Variants in GALNT13 observed in about 807,000 individuals in gnomAD.
GALNT13 encodes the protein UDP-GalNAc:polypeptide N-acetylgalactosaminyltransferase 13.
In GALNT13, 28 loss-of-function variants were observed where a neutral mutation model predicts 64.2. The observed-to-expected ratio is 0.44, with a 90% confidence interval of 0.32 to 0.60. The LOEUF (loss-of-function observed/expected upper bound fraction) is 0.60. GALNT13 is among the 20% of genes least tolerant of loss of function. The pLI, the probability that GALNT13 is intolerant of heterozygous loss-of-function variation, is 0.05. For synonymous variants in GALNT13, 214 were observed against 224.6 expected (o/e 0.95, Z 0.42); for missense variants, 577 against 669.8 (o/e 0.86, Z 1.53).
chr2:154,127,235 T>C (rs1682335804), intron 3 of GALNT13, among the ~76,000 whole-genome samples: 1 of 152,138 alleles, frequency 6.6e-6, no homozygotes, highest in Non-Finnish European at 1.5e-5. Flanking sequence ...ATGGGTAGTA[T>C]TAACCCATAA....
At chr2:153,136,384 A>G in the GALNT13 span, among the ~76,000 whole-genome samples, 1 of 152,058 alleles carries the variant, frequency 6.6e-6, no homozygotes, top group Admixed American at 6.6e-5. Context: ...TGCTTGGCCA[A>G]TGAAGATACT....
the GALNT13 span, among the ~76,000 whole-genome samples, chr2:153,742,755 C>T: frequency 6.6e-6 from 1 of 151,972 alleles, no homozygotes; most frequent in Non-Finnish European, 1.5e-5. Flanking sequence ...TGATCTCATT[C>T]TCTTTTTATG....
At chr2:153,709,062 A>G in the GALNT13 span, among the ~76,000 whole-genome samples, 3 of 152,084 alleles carry the variant, frequency 2.0e-5, no homozygotes, top group Admixed American at 2.0e-4. Context: ...ATTACATGAC[A>G]TTGGTCTGCG....
intron 4 of GALNT13, among the ~76,000 whole-genome samples, chr2:154,143,055 T>G (rs990417214): frequency 2.0e-5 from 3 of 152,168 alleles, no homozygotes; most frequent in Non-Finnish European, 4.4e-5. Context: ...TGGGGACCAG[T>G]TTTGTGGAAG....
chr2:154,158,774 T>C (rs1357594960), intron 4 of GALNT13, among the ~76,000 whole-genome samples: 1 of 152,192 alleles, frequency 6.6e-6, no homozygotes, highest in Admixed American at 6.5e-5. Context: ...TGCAATTTTT[T>C]TGAATTTGAA....
At chr2:153,949,735 C>A (rs1274710832) in intron 3 of GALNT13, among the ~76,000 whole-genome samples, 1 of 151,860 alleles carries the variant, frequency 6.6e-6, no homozygotes, top group Non-Finnish European at 1.5e-5. Context: ...ATAATTGGAA[C>A]AGAGAAGCAC....
chr2:153,169,136 T>A, the GALNT13 span, among the ~76,000 whole-genome samples: 1 of 152,364 alleles, frequency 6.6e-6, no homozygotes, highest in South Asian at 2.1e-4. Flanking sequence ...ACAAAGGTTC[T>A]GATATGCACC....
Position 154,258,961 on chromosome 2 carries a change from A to G in GALNT13, c.858-60A>G. 3.4e-6 allele frequency: 3 copies of G among 890,388 alleles called. No homozygotes were observed. The South Asian group carries it at 4.2e-5, about 12-fold the overall frequency. The allele number at this position is 890,388 out of a possible 1,614,324, so 55.2% of individuals were successfully genotyped here. ...TCTCAAAAATACGTGCTACAGTCTC[A>G]TTAAACTCCATACATTGTTTTCAAA... On this transcript the variant is annotated intron_variant, in intron 7 of 12. Transcript: ENST00000392825.
intron 12 of GALNT13, among the ~76,000 whole-genome samples, chr2:154,445,514 G>C (rs1040543288): frequency 6.6e-6 from 1 of 151,692 alleles, no homozygotes; most frequent in Non-Finnish European, 1.5e-5. Flanking sequence ...GAAAATTCAT[G>C]TTTGGTTTAA....
chr2:153,356,955 G>T, the GALNT13 span, among the ~76,000 whole-genome samples: 24 of 151,814 alleles, frequency 1.6e-4, no homozygotes, highest in South Asian at 5.0e-3. Context: ...CTGCCACCAC[G>T]CCCAGCTAAC....
At chr2:153,317,496 T>C in the GALNT13 span, among the ~76,000 whole-genome samples, 1 of 152,216 alleles carries the variant, frequency 6.6e-6, no homozygotes. Context: ...AGGTGGTTTC[T>C]GATTCTTTTA....
intron 9 of GALNT13, among the ~76,000 whole-genome samples, chr2:154,371,186 A>T (rs889276253): frequency 1.4e-5 from 2 of 143,076 alleles, no homozygotes; most frequent in African/African-American, 5.2e-5. Flanking sequence ...CAGAATAGGA[A>T]GTGTGGAAAT....
the GALNT13 span, among the ~76,000 whole-genome samples, chr2:153,568,986 G>A: frequency 6.6e-6 from 1 of 152,080 alleles, no homozygotes; most frequent in Non-Finnish European, 1.5e-5. Context: ...ATTTCATTTG[G>A]TATATATTCC....
chr2:153,719,601 C>T, the GALNT13 span, among the ~76,000 whole-genome samples: 9 of 152,064 alleles, frequency 5.9e-5, no homozygotes, highest in Non-Finnish European at 1.3e-4. Flanking sequence ...CCAGTGGGTG[C>T]GCGCACCGTG....
the GALNT13 span, among the ~76,000 whole-genome samples, chr2:153,792,970 C>CTTTTTTTTTTT: frequency 1.5e-5 from 2 of 132,260 alleles, no homozygotes; most frequent in Admixed American, 7.7e-5. Context: ...TTCTTTCTTT[C>CTTTTTTTTTTT]TTTTTTTTTT....
At chr2:153,597,798 G>A in the GALNT13 span, among the ~76,000 whole-genome samples, 1 of 151,880 alleles carries the variant, frequency 6.6e-6, no homozygotes, top group Non-Finnish European at 1.5e-5. Flanking sequence ...TTCAAAATGA[G>A]CAACTCTAAA....
At chr2:154,369,174 A>G (rs189109068) in intron 9 of GALNT13, among the ~76,000 whole-genome samples, 1 of 152,196 alleles carries the variant, frequency 6.6e-6, no homozygotes, top group East Asian at 1.9e-4. Context: ...AAAAAGCCTG[A>G]GATAGAATTG....
chr2:154,327,970 C>T (rs923144932), intron 9 of GALNT13, among the ~76,000 whole-genome samples: 1 of 152,004 alleles, frequency 6.6e-6, no homozygotes, highest in Non-Finnish European at 1.5e-5. Flanking sequence ...GTTAACCTCA[C>T]TCTCCTATTT....
the GALNT13 span, among the ~76,000 whole-genome samples, chr2:153,621,081 T>C: frequency 6.6e-6 from 1 of 152,124 alleles, no homozygotes. Context: ...GAGACTCTTG[T>C]ACTCTTCTTG....
Sources: allele counts gnomAD v4.1 joint callset (sites outside exome capture counted in the v4.1 genomes callset), GRCh38; gene constraint gnomAD v4.1.1; transcripts MANE v1.5; gene names NCBI Gene and HGNC (gene_info 2026-07-23, HGNC 2026-07-21).